The following ABLIM1 variants were observed in gnomAD, a reference collection of about 807,000 sequenced individuals.
ABLIM1 encodes the protein actin binding LIM protein 1, also known as actin-binding LIM protein 1.
Under a neutral mutation model 107.0 loss-of-function variants are expected in ABLIM1, and 40 were observed. The observed-to-expected ratio is 0.37, with a 90% CI of 0.29 to 0.49. ABLIM1 has a LOEUF of 0.49. Among genes scored for constraint, ABLIM1 ranks in the 20% least tolerant of loss-of-function variants. The pLI, the probability that ABLIM1 is intolerant of heterozygous loss-of-function variation, is 0.97. For missense variants in ABLIM1, 857 were observed against 1,008.5 expected (o/e 0.85, Z 2.04); for synonymous variants, 357 against 357.3 (o/e 1.00, Z 0.01).
At chr10:114,484,533 C>T (rs894630770) in intron 8 of ABLIM1, among the ~76,000 whole-genome samples, 4 of 152,136 alleles carry the variant, frequency 2.6e-5, no homozygotes, top group Non-Finnish European at 5.9e-5. Context: ...CAGGCGCCCA[C>T]AACCATGCCT....
chr10:114,699,018 T>C (rs1052801168), intron 1 of ABLIM1, among the ~76,000 whole-genome samples: 1 of 150,060 alleles, frequency 6.7e-6, no homozygotes, highest in Non-Finnish European at 1.5e-5. Flanking sequence ...AGAAAACATC[T>C]TCAAGAAAGT....
chr10:114,542,271 T>A (rs1327837609), intron 6 of ABLIM1, among the ~76,000 whole-genome samples: 1 of 150,644 alleles, frequency 6.6e-6, no homozygotes, highest in Non-Finnish European at 1.5e-5. Context: ...ATCAGTTGGG[T>A]GTGATGGCAT....
Position 114,658,088 on chromosome 10 carries a change from A to G in ABLIM1, c.113T>C (p.Ile38Thr). Residue 38 changes from isoleucine (I) to threonine (T), a missense_variant, in exon 1 of 23, where the codon ATT (isoleucine) becomes ACT (threonine). Coordinates refer to ENST00000533213, the MANE Select transcript of ABLIM1 (RefSeq NM_002313.7). ...SARGSNRKRL[I>T]VEDRRVSGTS... ...CCCAGAGACCCTCCGGTCCTCAACA[A>G]TCAGTCTCTTTCTGTTCGAGCCCCT... The G allele has an allele frequency of 6.2e-7, 1 of 1,614,168 alleles. No homozygotes were observed. The highest frequency in any genetic ancestry group is 8.5e-7 in the Non-Finnish European group (1 of 1,180,022).
intron 1 of ABLIM1, among the ~76,000 whole-genome samples, chr10:114,611,768 AT>A (rs1202084396): frequency 6.6e-6 from 1 of 152,146 alleles, no homozygotes; most frequent in African/African-American, 2.4e-5. Flanking sequence ...TCAGAAAGGG[AT>A]TTTAAAATTG....
intron 1 of ABLIM1, among the ~76,000 whole-genome samples, chr10:114,622,680 G>C (rs1375260056): frequency 6.6e-6 from 1 of 152,062 alleles, no homozygotes; most frequent in Non-Finnish European, 1.5e-5. Context: ...ACACGGGTTT[G>C]AACTGCACAG....
intron 1 of ABLIM1, among the ~76,000 whole-genome samples, chr10:114,730,152 C>A (rs954957026): frequency 9.9e-5 from 15 of 152,102 alleles, no homozygotes; most frequent in Non-Finnish European, 2.2e-4. Context: ...GATCCCTGCA[C>A]TTTGGGAGGC....
At position 114,468,298 on chromosome 10, in the gene ABLIM1, G is replaced by A. The variant is rs547744192; in HGVS notation, c.1276-82C>T. ...GTTTGTTTGTTTGTTTGTTTGAGAT[G>A]GAGTCTCGCTCTGTCGCCCAGGCTG... On this transcript the variant is annotated intron_variant, in intron 10 of 22. Transcript: ENST00000533213. The A allele has an allele frequency of 2.4e-4, 319 of 1,344,382 alleles. No individual in the cohort carries two copies. In the African/African-American group the frequency reaches 3.8e-3, roughly 16 times the overall value. 83.3% of individuals were successfully genotyped at this position (1,344,382 alleles called of 1,614,324 possible).
At chr10:114,761,426 GCCCA>G (rs2082743443) in intron 1 of ABLIM1, among the ~76,000 whole-genome samples, 1 of 152,110 alleles carries the variant, frequency 6.6e-6, no homozygotes, top group Non-Finnish European at 1.5e-5. Flanking sequence ...GCTTGCTACT[GCCCA>G]GGCTCTCGGC....
intron 12 of ABLIM1, 60 bp downstream of exon 12, chr10:114,465,638 G>GA (rs774370842): frequency 7.1e-5 from 112 of 1,584,858 alleles, no homozygotes; most frequent in South Asian, 1.9e-4. Flanking sequence ...AATAGTAGGG[G>GA]AAAAAATCAC....
chr10:114,623,074 C>T (rs763206688), intron 1 of ABLIM1, among the ~76,000 whole-genome samples: 1 of 152,212 alleles, frequency 6.6e-6, no homozygotes, highest in Non-Finnish European at 1.5e-5. Context: ...ATCCTCCCAC[C>T]TCAGCTTCCT....
intron 1 of ABLIM1, among the ~76,000 whole-genome samples, chr10:114,704,546 T>C (rs2081381802): frequency 6.6e-6 from 1 of 150,714 alleles, no homozygotes; most frequent in South Asian, 2.1e-4. Context: ...TTTCAAGCTT[T>C]CCTTAAATTG....
chr10:114,627,981 G>T (rs945747071), intron 1 of ABLIM1, among the ~76,000 whole-genome samples: 4 of 152,154 alleles, frequency 2.6e-5, no homozygotes, highest in Non-Finnish European at 5.9e-5. Flanking sequence ...AATTAGCCGG[G>T]CGTGGTGGTG....
intron 1 of ABLIM1, among the ~76,000 whole-genome samples, chr10:114,710,084 A>G (rs1200958337): frequency 6.6e-6 from 1 of 152,208 alleles, no homozygotes; most frequent in Non-Finnish European, 1.5e-5. Flanking sequence ...TTTGAAGTAA[A>G]TGGTTACTCA....
intron 1 of ABLIM1, among the ~76,000 whole-genome samples, chr10:114,631,473 T>C (rs1470241301): frequency 2.0e-5 from 3 of 152,112 alleles, no homozygotes; most frequent in African/African-American, 7.2e-5. Context: ...TAGCGAGGCC[T>C]GGGCATGTCC....
At chr10:114,776,052 C>T in the ABLIM1 span, 2 of 152,112 alleles carry the variant, frequency 1.3e-5, no homozygotes, top group Non-Finnish European at 1.5e-5. Context: ...GCCTGCAATC[C>T]TACAATATAG....
At chr10:114,477,570 G>T (rs1275231408) in intron 8 of ABLIM1, among the ~76,000 whole-genome samples, 2 of 152,160 alleles carry the variant, frequency 1.3e-5, no homozygotes, top group Admixed American at 1.3e-4. Flanking sequence ...GGTTTTATTT[G>T]CTCTTGTACT....
At chr10:114,773,602 A>G in the ABLIM1 span, among the ~76,000 whole-genome samples, 3 of 152,118 alleles carry the variant, frequency 2.0e-5, no homozygotes, top group Non-Finnish European at 4.4e-5. Context: ...CATGCCTGTA[A>G]TCCCAGCTAC....
At chr10:114,794,746 A>G in the ABLIM1 span, among the ~76,000 whole-genome samples, 18 of 152,246 alleles carry the variant, frequency 1.2e-4, no homozygotes, top group Admixed American at 7.9e-4. Context: ...CATAGCCAGG[A>G]AAGTGCTAAA....
Position 114,658,223 on chromosome 10 carries a change from T to C in ABLIM1, c.-23A>G, listed in dbSNP as rs767662947. 1.9e-6 allele frequency: 3 copies of C among 1,591,902 alleles called. No individual in the cohort carries two copies. In the South Asian group the frequency reaches 3.4e-5, roughly 18 times the overall value. ...CATCTTGGCATGGATTTCCAAGCAA[T>C]GAGAAATGGGGAGTGGGGACCCAAG... On this transcript the variant is annotated 5_prime_UTR_variant, in exon 1 of 23. Coordinates refer to ENST00000533213, the MANE Select transcript of ABLIM1 (RefSeq NM_002313.7).
Sources: allele counts gnomAD v4.1 joint callset (sites outside exome capture counted in the v4.1 genomes callset), GRCh38; gene constraint gnomAD v4.1.1; transcripts MANE v1.5; gene names NCBI Gene and HGNC (gene_info 2026-07-23, HGNC 2026-07-21).